CYP7B1: variants seen among roughly 807,000 people sequenced by gnomAD.
The protein encoded by CYP7B1 is cytochrome P450 family 7 subfamily B member 1.
In CYP7B1, 29 loss-of-function variants were observed where a neutral mutation model predicts 42.7. That is an observed-to-expected ratio of 0.68 (90% CI 0.51 to 0.93). The LOEUF is 0.93. CYP7B1 is among the 40% of genes least tolerant of loss of function. The pLI is 0.00. For missense variants in CYP7B1, 655 were observed against 600.5 expected (o/e 1.09, Z -0.95); for synonymous variants, 235 against 218.2 (o/e 1.08, Z -0.68).
intron 1 of CYP7B1, among the ~76,000 whole-genome samples, chr8:64,680,226 C>T (rs1018897209): frequency 2.6e-5 from 4 of 151,816 alleles, no homozygotes; most frequent in Non-Finnish European, 4.4e-5. Context: ...CTTCTTTCAT[C>T]GCACCTTCAT....
chr8:64,734,463 A>G (rs1176642571), intron 1 of CYP7B1: 1 of 152,226 alleles, frequency 6.6e-6, no homozygotes, highest in Non-Finnish European at 1.5e-5. Flanking sequence ...TGGAAGGGCA[A>G]AAAGGGAAAC....
At chr8:64,782,950 T>A (rs1804454443) in intron 1 of CYP7B1, among the ~76,000 whole-genome samples, 2 of 152,122 alleles carry the variant, frequency 1.3e-5, no homozygotes, top group Admixed American at 1.3e-4. Context: ...TCTCAAATGG[T>A]AACAAGAAAC....
chr8:64,614,920 C>G, intron 4 of CYP7B1, 106 bp downstream of exon 4: 1 of 1,039,932 alleles, frequency 9.6e-7, no homozygotes, highest in Non-Finnish European at 1.5e-6. Flanking sequence ...GTTATTATGT[C>G]AATTAGGCAG....
At chr8:64,722,357 T>C (rs1807248592) in intron 1 of CYP7B1, among the ~76,000 whole-genome samples, 1 of 152,136 alleles carries the variant, frequency 6.6e-6, no homozygotes, top group Admixed American at 6.6e-5. Context: ...AATATGGCTA[T>C]GAATATTAGC....
At chr8:64,694,730 G>T (rs1236732329) in intron 1 of CYP7B1, among the ~76,000 whole-genome samples, 9 of 152,128 alleles carry the variant, frequency 5.9e-5, no homozygotes, top group Admixed American at 6.5e-5. Context: ...AAAAAAATTG[G>T]AAGGAAATAA....
At chr8:64,696,787 C>T (rs1332491866) in intron 1 of CYP7B1, among the ~76,000 whole-genome samples, 1 of 151,998 alleles carries the variant, frequency 6.6e-6, no homozygotes, top group African/African-American at 2.4e-5. Context: ...GGTTAACTGA[C>T]AGAACAAGTT....
At chr8:64,790,652 T>C (rs1804602208) in intron 1 of CYP7B1, among the ~76,000 whole-genome samples, 1 of 152,178 alleles carries the variant, frequency 6.6e-6, no homozygotes, top group Non-Finnish European at 1.5e-5. Flanking sequence ...ATCAAAACGT[T>C]TAACTAACCA....
chr8:64,745,522 C>T (rs1469944165), intron 1 of CYP7B1, among the ~76,000 whole-genome samples: 1 of 152,124 alleles, frequency 6.6e-6, no homozygotes, highest in East Asian at 1.9e-4. Context: ...ATAAAAATAG[C>T]TTTGCCACCA....
At chr8:64,710,018 A>T (rs1807057984) in intron 1 of CYP7B1, among the ~76,000 whole-genome samples, 1 of 152,148 alleles carries the variant, frequency 6.6e-6, no homozygotes, top group Admixed American at 6.6e-5. Flanking sequence ...GTTCTATCAG[A>T]TAAAAACAAT....
At chr8:64,599,392 G>A (rs960558211) in intron 5 of CYP7B1, among the ~76,000 whole-genome samples, 6 of 152,100 alleles carry the variant, frequency 3.9e-5, no homozygotes, top group Admixed American at 2.0e-4. Context: ...GTTTCACCGC[G>A]TTAACCAGGA....
At position 64,689,815 on chromosome 8, in the gene CYP7B1, G is replaced by A. The variant is rs372326899; in HGVS notation, c.123-65276C>T. Among the ~76,000 whole-genome samples the A allele has an allele frequency of 3.9e-5, 6 of 152,014 alleles. No individual in the cohort carries two copies. The South Asian group carries it at 8.3e-4, about 21-fold the overall frequency. On this transcript the variant is annotated intron_variant, in intron 1 of 5. Transcript: ENST00000310193. ...ACTCCTAACCTCAAATGATCCACCC[G>A]CCTCATCCTCCCAAAGTGCTGGGAT...
intron 4 of CYP7B1, among the ~76,000 whole-genome samples, 156 bp downstream of exon 4, chr8:64,614,870 C>T (rs551489799): frequency 1.5e-4 from 23 of 152,152 alleles, no homozygotes; most frequent in Admixed American, 6.5e-4. Flanking sequence ...AGAGTATCTA[C>T]GGCTATAAAC....
At chr8:64,608,215 T>A (rs905365048) in intron 4 of CYP7B1, among the ~76,000 whole-genome samples, 1 of 152,156 alleles carries the variant, frequency 6.6e-6, no homozygotes, top group African/African-American at 2.4e-5. Context: ...AAATAAAAAA[T>A]TATGGTTAAA....
At chr8:64,602,057 T>C (rs1464678664) in intron 5 of CYP7B1, among the ~76,000 whole-genome samples, 2 of 152,336 alleles carry the variant, frequency 1.3e-5, no homozygotes, top group African/African-American at 4.8e-5. Flanking sequence ...CATCCCCTTA[T>C]TTATTCAACT....
rs187992130 is a variant in CYP7B1, at chr8:64,715,303, C to G, written c.122+83163G>C. ...TAAAAAGAATAACTAATCTTTTGGG[C>G]GAAGAGGTGGAAAATCACTGTGAAC... On this transcript the variant is annotated intron_variant, in intron 1 of 5. Coordinates refer to ENST00000310193, the MANE Select transcript of CYP7B1 (RefSeq NM_004820.5). Among the ~76,000 whole-genome samples, 9 of 152,090 alleles carry G rather than the reference C, an allele frequency of 5.9e-5. No homozygotes were observed. In the South Asian group the frequency reaches 1.9e-3, roughly 32 times the overall value.
rs550042458 is a variant in CYP7B1 at position 64,762,493 on chromosome 8, T to C, written c.122+35973A>G. On this transcript the variant is annotated intron_variant, in intron 1 of 5. Transcript: ENST00000310193. ...ATGAGTTATCAATACTTGGGTTGAA[T>C]CAGTGTGAGAAACTAAAATGCAAAT... 9.8e-5 allele frequency among the ~76,000 whole-genome samples: 15 copies of C among 152,328 alleles called. 1 individual carries two copies. The South Asian group carries it at 3.1e-3, about 32-fold the overall frequency.
chr8:64,668,287 C>T (rs1806312547), intron 1 of CYP7B1, among the ~76,000 whole-genome samples: 1 of 152,066 alleles, frequency 6.6e-6, no homozygotes, highest in South Asian at 2.1e-4. Context: ...TCTTAGCGAC[C>T]ATCTATCAAA....
At chr8:64,729,824 G>T (rs1030580045) in intron 1 of CYP7B1, among the ~76,000 whole-genome samples, 2 of 152,168 alleles carry the variant, frequency 1.3e-5, no homozygotes, top group South Asian at 4.1e-4. Flanking sequence ...TTCTTTTAAT[G>T]TAAAGTTTCT....
At chr8:64,719,337 T>G (rs963652499) in intron 1 of CYP7B1, among the ~76,000 whole-genome samples, 2 of 152,206 alleles carry the variant, frequency 1.3e-5, no homozygotes, top group Non-Finnish European at 2.9e-5. Flanking sequence ...TACACTTTCA[T>G]GATAAATCAG....
Sources: allele counts gnomAD v4.1 joint callset (sites outside exome capture counted in the v4.1 genomes callset), GRCh38; gene constraint gnomAD v4.1.1; transcripts MANE v1.5; gene names NCBI Gene and HGNC (gene_info 2026-07-23, HGNC 2026-07-21).